OTOGL: variants seen among roughly 807,000 people sequenced by gnomAD.
The protein encoded by OTOGL is otogelin like.
In OTOGL, 285 loss-of-function variants were observed where a neutral mutation model predicts 318.5. The ratio of observed to expected loss-of-function variants is 0.89; its 90% CI spans 0.81 to 0.99. The LOEUF is 0.99. Among genes scored for constraint, OTOGL ranks in the 50% least tolerant of loss-of-function variants. The pLI is 0.00. For synonymous variants in OTOGL, 987 were observed against 936.5 expected (o/e 1.05, Z -0.99); for missense variants, 2,899 against 2,845.6 (o/e 1.02, Z -0.43).
chr12:80,267,044 AT>A (rs1415047779), intron 21 of OTOGL, among the ~76,000 whole-genome samples: 1 of 152,158 alleles, frequency 6.6e-6, no homozygotes, highest in East Asian at 1.9e-4. Flanking sequence ...TGTGAGTTGT[AT>A]TTTAGAAAAC....
chr12:80,293,288 A>G (rs2137690871), intron 26 of OTOGL, among the ~76,000 whole-genome samples: 1 of 152,302 alleles, frequency 6.6e-6, no homozygotes, highest in Non-Finnish European at 1.5e-5. Context: ...GAGAAAACCA[A>G]ATTTTACCTT....
intron 1 of OTOGL, among the ~76,000 whole-genome samples, chr12:80,182,091 A>G (rs765527218): frequency 6.6e-6 from 1 of 152,262 alleles, no homozygotes. Context: ...GGTTGAGACT[A>G]CAGTGAGCCA....
chr12:80,151,099 C>T (rs141987015), intron 1 of OTOGL, among the ~76,000 whole-genome samples: 36 of 151,812 alleles, frequency 2.4e-4, no homozygotes, highest in African/African-American at 6.8e-4. Context: ...TTTCCCCAGT[C>T]AAAAATTTTC....
intron 1 of OTOGL, among the ~76,000 whole-genome samples, chr12:80,205,235 G>A (rs936793962): frequency 6.6e-6 from 1 of 152,174 alleles, no homozygotes; most frequent in Non-Finnish European, 1.5e-5. Flanking sequence ...GTAGTTCAGA[G>A]AATGAAGATA....
Position 80,209,452 on chromosome 12 carries a change from C to G in OTOGL, c.21C>G (p.Leu7=), listed in dbSNP as rs1465127587. The G allele has an allele frequency of 6.6e-7, 1 of 1,508,560 alleles. No individual in the cohort carries two copies. The highest frequency in any genetic ancestry group is 2.5e-5 in the East Asian group (1 of 40,526). 93.4% of individuals were successfully genotyped at this position (1,508,560 alleles called of 1,614,324 possible). The change falls in exon 2 of 59, where the codon CTC becomes CTG. Residue 7 remains leucine (L), a synonymous_variant. Coordinates refer to ENST00000547103, the MANE Select transcript of OTOGL (RefSeq NM_001378609.3). MNIVRK[L]NLMIPWSIFL... ...CTGAAATGAACATTGTAAGAAAACT[C>G]AATTTAATGATACCTTGGAGTATAT...
chr12:80,173,021 C>A (rs1874308538), intron 1 of OTOGL, among the ~76,000 whole-genome samples: 1 of 152,130 alleles, frequency 6.6e-6, no homozygotes, highest in African/African-American at 2.4e-5. Flanking sequence ...TTCTGTGCAG[C>A]AAACCACCAT....
intron 7 of OTOGL, 132 bp from the exon 8 acceptor site, chr12:80,229,125 C>A: frequency 9.4e-7 from 1 of 1,069,480 alleles, no homozygotes; most frequent in Non-Finnish European, 1.3e-6. Context: ...TCAGAAATCC[C>A]AAATGTAGTT....
At chr12:80,226,068 C>T (rs1025830818) in intron 7 of OTOGL, among the ~76,000 whole-genome samples, 1 of 151,850 alleles carries the variant, frequency 6.6e-6, no homozygotes, top group Non-Finnish European at 1.5e-5. Context: ...TTATCTTACA[C>T]ATCAAAATAT....
chr12:80,131,255 A>T (rs1200055289), intron 1 of OTOGL: 2 of 152,276 alleles, frequency 1.3e-5, no homozygotes, highest in African/African-American at 4.8e-5. Flanking sequence ...GCCCAGATTA[A>T]GTCACATGTC....
At chr12:80,108,036 A>G (rs1050554435) in intron 1 of OTOGL, among the ~76,000 whole-genome samples, 1 of 152,136 alleles carries the variant, frequency 6.6e-6, no homozygotes, top group South Asian at 2.1e-4. Flanking sequence ...TCTGTACACC[A>G]AACCCCATGA....
At chr12:80,179,834 G>T (rs1223418102) in intron 1 of OTOGL, among the ~76,000 whole-genome samples, 2 of 152,204 alleles carry the variant, frequency 1.3e-5, no homozygotes, top group African/African-American at 4.8e-5. Context: ...TATTGGTGGT[G>T]CTGCTATCCA....
At chr12:80,125,794 C>T (rs998243728) in intron 1 of OTOGL, among the ~76,000 whole-genome samples, 2 of 152,086 alleles carry the variant, frequency 1.3e-5, no homozygotes, top group South Asian at 2.1e-4. Flanking sequence ...GGAATTTATC[C>T]GTTTCTTCTA....
rs188795968 is a variant in OTOGL at position 80,322,042 on chromosome 12, C to T, written c.4081+1342C>T. ...ACCGAGCACACACTTTGCAGGACATCCTGTTGGGAATGGCAACAGAGCCTG... is the reference window on the plus strand; with the variant it reads ...ACCGAGCACACACTTTGCAGGACATTCTGTTGGGAATGGCAACAGAGCCTG... On this transcript the variant is annotated intron_variant, in intron 34 of 58. Coordinates refer to ENST00000547103, the MANE Select transcript of OTOGL (RefSeq NM_001378609.3). Among the ~76,000 whole-genome samples, 181 of 152,270 alleles carry T rather than the reference C, an allele frequency of 1.2e-3. 1 individual carries two copies. Among genetic ancestry groups the T allele is most frequent in the Non-Finnish European group, 2.2e-3 (149 of 68,014 alleles).
chr12:80,275,907 C>T (rs1465902150), intron 24 of OTOGL, among the ~76,000 whole-genome samples: 5 of 151,502 alleles, frequency 3.3e-5, no homozygotes, highest in Non-Finnish European at 7.4e-5. Flanking sequence ...TGCTATTATG[C>T]ATTTAATAGA....
chr12:80,209,832 CA>C (rs1269336880), intron 2 of OTOGL, among the ~76,000 whole-genome samples: 1 of 151,854 alleles, frequency 6.6e-6, no homozygotes, highest in African/African-American at 2.4e-5. Context: ...TCATGATATG[CA>C]ATTGTATTAG....
intron 1 of OTOGL, chr12:80,189,593 A>G: frequency 1.9e-6 from 1 of 534,620 alleles, no homozygotes; most frequent in Non-Finnish European, 2.4e-6. Flanking sequence ...AAAGAGATAG[A>G]TTGCAAAACT....
intron 29 of OTOGL, among the ~76,000 whole-genome samples, chr12:80,309,400 T>G (rs565757383): frequency 1.3e-5 from 2 of 151,980 alleles, no homozygotes; most frequent in Non-Finnish European, 2.9e-5. Flanking sequence ...GAAAGTGAAA[T>G]TTATGGGAAA....
chr12:80,319,363 A>G (rs1271051693), intron 33 of OTOGL, among the ~76,000 whole-genome samples: 3 of 152,190 alleles, frequency 2.0e-5, no homozygotes, highest in Non-Finnish European at 4.4e-5. Flanking sequence ...CATGCATGAC[A>G]TGTTGTATAA....
At chr12:80,108,773 A>ATATATATACACG (rs1869612192) in intron 1 of OTOGL, among the ~76,000 whole-genome samples, 4 of 28,574 alleles carry the variant, frequency 1.4e-4, no homozygotes, top group African/African-American at 5.5e-4. Context: ...ATATACACGT[A>ATATATATACACG]TATATATATA....
Sources: allele counts gnomAD v4.1 joint callset (sites outside exome capture counted in the v4.1 genomes callset), GRCh38; gene constraint gnomAD v4.1.1; transcripts MANE v1.5; gene names NCBI Gene and HGNC (gene_info 2026-07-23, HGNC 2026-07-21).